Variants in RANBP2 observed in about 807,000 individuals in gnomAD.
The protein encoded by RANBP2 is E3 SUMO-protein ligase RanBP2.
A neutral mutation model predicts 303.6 loss-of-function variants in RANBP2; 57 were observed. The observed-to-expected ratio is 0.19, with a 90% confidence interval of 0.15 to 0.23. The LOEUF is 0.23. Among genes scored for constraint, RANBP2 ranks in the 10% least tolerant of loss-of-function variants. The pLI, the probability that RANBP2 is intolerant of heterozygous loss-of-function variation, is 1.00. For synonymous variants in RANBP2, 1,167 were observed against 1,301.5 expected, an observed-to-expected ratio of 0.90 and a Z score of 2.23; for missense variants, 3,138 against 3,780.8, an observed-to-expected ratio of 0.83 and a Z score of 4.46.
the RANBP2 span, among the ~76,000 whole-genome samples, chr2:109,265,964 G>C: frequency 6.6e-6 from 1 of 152,164 alleles, no homozygotes; most frequent in African/African-American, 2.4e-5. Context: ...AGAAATCCTT[G>C]GGAGCCCAGA....
At chr2:109,116,208 T>A in the RANBP2 span, among the ~76,000 whole-genome samples, 1 of 152,226 alleles carries the variant, frequency 6.6e-6, no homozygotes, top group African/African-American at 2.4e-5. Flanking sequence ...TTCTCCTGGA[T>A]AATATCCTGC....
chr2:109,050,932 TA>T, the RANBP2 span, among the ~76,000 whole-genome samples: 496 of 152,290 alleles, frequency 3.3e-3, 3 homozygotes, highest in Non-Finnish European at 5.3e-3. Context: ...GGCTTAGTTT[TA>T]GTATCAACTT....
chr2:109,133,474 A>G, the RANBP2 span, among the ~76,000 whole-genome samples: 1 of 152,208 alleles, frequency 6.6e-6, no homozygotes, highest in South Asian at 2.1e-4. Flanking sequence ...TTGAGTACAG[A>G]GCTGAGGACC....
At chr2:109,544,152 T>TA in the RANBP2 span, 1 of 1,553,366 alleles carries the variant, frequency 6.4e-7, no homozygotes, top group Middle Eastern at 1.9e-4. Flanking sequence ...ATTGACCTTG[T>TA]ACTTGAAAGT....
the RANBP2 span, among the ~76,000 whole-genome samples, chr2:108,952,987 A>T: frequency 3.9e-5 from 6 of 152,186 alleles, no homozygotes; most frequent in African/African-American, 1.4e-4. Context: ...AGGTCTTTTT[A>T]AAAAACGTTT....
the RANBP2 span, among the ~76,000 whole-genome samples, chr2:109,369,889 C>G: frequency 1.3e-5 from 2 of 152,208 alleles, no homozygotes; most frequent in African/African-American, 2.4e-5. Context: ...CTGTAAGTCC[C>G]GAATTGCTGC....
chr2:109,110,192 A>G, the RANBP2 span, among the ~76,000 whole-genome samples: 2 of 152,328 alleles, frequency 1.3e-5, no homozygotes, highest in African/African-American at 2.4e-5. Flanking sequence ...TAGTTGCCCA[A>G]TAATGCCCCG....
chr2:108,753,016 T>C lies in RANBP2; in HGVS notation c.1774T>C (p.Phe592Leu). ...TTTTTAGGGCAGCGGTCTTAATTCT[T>C]TTTATGATCAACGAGAATACATAGG... ...LQKTGSGLNS[F>L]YDQREYIGRS... The change falls in exon 13 of 29, where the codon TTT (phenylalanine) becomes CTT (leucine). Residue 592 changes from phenylalanine (F) to leucine (L), a missense_variant. This residue lies in a region of RANBP2 where 162 missense variants were observed against 286.9 expected (regional missense o/e 0.56). Coordinates refer to ENST00000283195, the MANE Select transcript of RANBP2 (RefSeq NM_006267.5). The C allele has an allele frequency of 6.2e-7, 1 of 1,609,238 alleles. No individual in the cohort carries two copies. The highest frequency in any genetic ancestry group is 8.5e-7 in the Non-Finnish European group (1 of 1,178,948).
chr2:109,605,484 A>T, the RANBP2 span: 1 of 151,776 alleles, frequency 6.6e-6, no homozygotes, highest in Non-Finnish European at 1.5e-5. Flanking sequence ...AAATAATAAT[A>T]AATAAATAAA....
chr2:108,856,775 G>T, the RANBP2 span: 1 of 1,608,102 alleles, frequency 6.2e-7, no homozygotes, highest in Non-Finnish European at 8.5e-7. Context: ...GCAGTTGATT[G>T]TACATAACTA....
the RANBP2 span, among the ~76,000 whole-genome samples, chr2:109,669,933 A>G: frequency 8.2e-6 from 1 of 122,632 alleles, no homozygotes; most frequent in African/African-American, 3.2e-5. Context: ...CCCCCAAGCG[A>G]CCCCCCACCA....
chr2:109,760,800 G>A, the RANBP2 span, among the ~76,000 whole-genome samples: 1 of 140,208 alleles, frequency 7.1e-6, no homozygotes, highest in African/African-American at 2.6e-5. Flanking sequence ...CGCTTCGGGC[G>A]GGCGGGAGCG....
chr2:109,767,417 TATGTTTCACTGAGA>T, the RANBP2 span, among the ~76,000 whole-genome samples: 2 of 139,328 alleles, frequency 1.4e-5, no homozygotes, highest in South Asian at 2.6e-4. Flanking sequence ...CATAATCTTT[TATGTTTCACTGAGA>T]ATGTATTGCA....
At chr2:109,292,244 A>G in the RANBP2 span, among the ~76,000 whole-genome samples, 3 of 152,260 alleles carry the variant, frequency 2.0e-5, no homozygotes, top group Non-Finnish European at 4.4e-5. Flanking sequence ...GTATAAATGT[A>G]TAAACATAAT....
rs1483587952 is a variant in RANBP2 at position 108,748,027 on chromosome 2, C to T, written c.1064-893C>T. Among the ~76,000 whole-genome samples the T allele has an allele frequency of 5.3e-5, 8 of 152,238 alleles. No homozygotes were observed. In the East Asian group the frequency reaches 1.5e-3, roughly 29 times the overall value. ...GTAGGTTTGCCTCTTCTGAACATTT[C>T]ACATAAATGGAATCATATAGTATGT... On this transcript the variant is annotated intron_variant, in intron 8 of 28. Transcript: ENST00000283195.
At chr2:108,823,519 T>G in the RANBP2 span, among the ~76,000 whole-genome samples, 1 of 152,256 alleles carries the variant, frequency 6.6e-6, no homozygotes, top group Middle Eastern at 3.2e-3. Context: ...CTAGGTGATA[T>G]AGCCTACTAC....
chr2:109,716,748 T>C, the RANBP2 span, among the ~76,000 whole-genome samples: 2 of 151,992 alleles, frequency 1.3e-5, no homozygotes, highest in Admixed American at 6.6e-5. Flanking sequence ...AGAGTTTTGC[T>C]ATGTTGCCTA....
the RANBP2 span, among the ~76,000 whole-genome samples, chr2:109,647,550 T>C: frequency 6.6e-6 from 1 of 151,414 alleles, no homozygotes; most frequent in Non-Finnish European, 1.5e-5. Flanking sequence ...CTCACTGCAA[T>C]CTCCGCCTCC....
chr2:109,615,160 G>T, the RANBP2 span: 2 of 1,549,248 alleles, frequency 1.3e-6, no homozygotes, highest in South Asian at 1.2e-5. Context: ...TGTCCCGGGG[G>T]CAGCAGCCCG....
Sources: gnomAD v4.1 joint callset for allele counts (sites outside exome capture counted in the v4.1 genomes callset) on GRCh38, gnomAD v4.1.1 for gene constraint, gnomAD v4.1.1 regional missense constraint, MANE v1.5 for transcripts, NCBI Gene and HGNC (gene_info 2026-07-23, HGNC 2026-07-21) for gene names.